The following AGBL4 variants were observed in gnomAD, a reference collection of about 807,000 sequenced individuals.
AGBL4 encodes AGBL carboxypeptidase 4.
In AGBL4, 58 loss-of-function variants were observed where a neutral mutation model predicts 66.4. The observed-to-expected ratio is 0.87, with a 90% CI of 0.71 to 1.09. The LOEUF (loss-of-function observed/expected upper bound fraction) is 1.09. Ranked by LOEUF, AGBL4 falls within the 50% of genes least tolerant of loss-of-function variation. The pLI is 0.00. For missense variants in AGBL4, 579 were observed against 631.0 expected (o/e 0.92, Z 0.88); for synonymous variants, 234 against 222.9 (o/e 1.05, Z -0.44).
chr1:49,691,854 A>G (rs1646893813), intron 3 of AGBL4, among the ~76,000 whole-genome samples: 1 of 152,146 alleles, frequency 6.6e-6, no homozygotes, highest in Admixed American at 6.6e-5. Flanking sequence ...CTTGCTGGAT[A>G]CTTCATGCCC....
intron 6 of AGBL4, among the ~76,000 whole-genome samples, chr1:48,835,582 G>A (rs1284199431): frequency 6.6e-6 from 1 of 152,136 alleles, no homozygotes; most frequent in Non-Finnish European, 1.5e-5. Context: ...GGTAGTACTA[G>A]AGTGAAGAAA....
intron 4 of AGBL4, among the ~76,000 whole-genome samples, chr1:49,098,916 TTCTGCTGTGTG>T (rs1275303417): frequency 6.6e-6 from 1 of 152,204 alleles, no homozygotes; most frequent in Non-Finnish European, 1.5e-5. Context: ...TCTATGGCCT[TTCTGCTGTGTG>T]TCTGTTTTGC....
chr1:49,410,660 T>C (rs1645296896), intron 3 of AGBL4, among the ~76,000 whole-genome samples: 1 of 152,162 alleles, frequency 6.6e-6, no homozygotes, highest in Non-Finnish European at 1.5e-5. Context: ...AGGTTCTAGC[T>C]CTCTTGATTT....
At chr1:48,921,197 T>C (rs1402456817) in intron 5 of AGBL4, among the ~76,000 whole-genome samples, 1 of 151,954 alleles carries the variant, frequency 6.6e-6, no homozygotes, top group Non-Finnish European at 1.5e-5. Context: ...CACAGAGAAG[T>C]AGACAAAAAT....
intron 11 of AGBL4, among the ~76,000 whole-genome samples, chr1:48,571,448 CT>C (rs1644561632): frequency 6.6e-6 from 1 of 152,216 alleles, no homozygotes; most frequent in African/African-American, 2.4e-5. Context: ...TCTAGCTAGA[CT>C]TCAGACAGCT....
intron 2 of AGBL4, among the ~76,000 whole-genome samples, chr1:49,724,820 A>G (rs1648892077): frequency 6.6e-6 from 1 of 152,134 alleles, no homozygotes; most frequent in South Asian, 2.1e-4. Context: ...CGTGGCAAGA[A>G]GAAGGTCAGG....
intron 3 of AGBL4, among the ~76,000 whole-genome samples, chr1:49,270,269 C>T (rs912688422): frequency 6.6e-6 from 1 of 152,120 alleles, no homozygotes; most frequent in African/African-American, 2.4e-5. Context: ...GAGATTCTCT[C>T]TCATCTTGTT....
At chr1:49,543,776 C>G (rs1652254216) in intron 3 of AGBL4, among the ~76,000 whole-genome samples, 1 of 152,126 alleles carries the variant, frequency 6.6e-6, no homozygotes, top group Non-Finnish European at 1.5e-5. Context: ...TTTGCTGGTG[C>G]CATAGTGTAG....
At chr1:48,688,789 T>C (rs926675206) in intron 6 of AGBL4, among the ~76,000 whole-genome samples, 2 of 151,674 alleles carry the variant, frequency 1.3e-5, no homozygotes, top group Admixed American at 6.6e-5. Context: ...AGGAAGAGCA[T>C]TGCAAAGCTC....
intron 6 of AGBL4, among the ~76,000 whole-genome samples, chr1:48,693,935 T>C (rs1048660362): frequency 6.6e-6 from 1 of 151,104 alleles, no homozygotes; most frequent in African/African-American, 2.4e-5. Context: ...GAGTCTGACT[T>C]ACCCTGACCT....
Position 49,881,114 on chromosome 1 carries a change from C to T in AGBL4, c.35-29596G>A, listed in dbSNP as rs561552305. On this transcript the variant is annotated intron_variant, in intron 1 of 13. Transcript: ENST00000371839. ...CTCAGATGGAAATGCAGAAATCACC[C>T]GTCTTCTGCGTCGCTCACGCTGGGA... Among the ~76,000 whole-genome samples, 326 of 152,218 alleles carry T rather than the reference C, an allele frequency of 2.1e-3. 2 individuals carry two copies. The highest frequency in any genetic ancestry group is 5.8e-3 in the Admixed American group (89 of 15,294).
chr1:49,577,993 T>A (rs1644469831), intron 3 of AGBL4, among the ~76,000 whole-genome samples: 1 of 152,174 alleles, frequency 6.6e-6, no homozygotes, highest in African/African-American at 2.4e-5. Context: ...AGTGATCCAC[T>A]AACAAAATGT....
intron 6 of AGBL4, among the ~76,000 whole-genome samples, chr1:48,674,686 T>A (rs1367848419): frequency 6.6e-6 from 1 of 152,094 alleles, no homozygotes; most frequent in Non-Finnish European, 1.5e-5. Flanking sequence ...ATAATAATAT[T>A]CATCTTATTG....
intron 5 of AGBL4, among the ~76,000 whole-genome samples, chr1:48,944,136 A>C (rs1011058154): frequency 2.4e-4 from 36 of 152,150 alleles, no homozygotes; most frequent in African/African-American, 8.2e-4. Context: ...AGAAATAGTC[A>C]AGGTAACAGC....
chr1:48,768,707 T>C (rs901184615), intron 6 of AGBL4, among the ~76,000 whole-genome samples: 1 of 152,254 alleles, frequency 6.6e-6, no homozygotes, highest in African/African-American at 2.4e-5. Flanking sequence ...TAATTTGGTA[T>C]GAGTTTGTTA....
At chr1:48,909,112 G>T (rs1173808446) in intron 5 of AGBL4, among the ~76,000 whole-genome samples, 1 of 152,136 alleles carries the variant, frequency 6.6e-6, no homozygotes, top group East Asian at 1.9e-4. Flanking sequence ...CTTACAAATT[G>T]TGTTAGGCTA....
At chr1:49,871,538 G>A (rs1646839430) in intron 1 of AGBL4, among the ~76,000 whole-genome samples, 1 of 151,998 alleles carries the variant, frequency 6.6e-6, no homozygotes, top group Admixed American at 6.6e-5. Flanking sequence ...CTAATTCTAT[G>A]TTGAGTCCTT....
rs372757411 is a variant in AGBL4, at chr1:49,570,038, A to G, written c.282+127275T>C. On this transcript the variant is annotated intron_variant, in intron 3 of 13. Coordinates refer to ENST00000371839, the MANE Select transcript of AGBL4 (RefSeq NM_032785.4). ...TTGTTATTATGAATAGTGCTGTGAT[A>G]AGCACACAAGTGCAGGTATCTTTTT... Among the ~76,000 whole-genome samples, 208 of 152,304 alleles carry G rather than the reference A, an allele frequency of 1.4e-3. 1 individual carries two copies. The highest frequency in any genetic ancestry group is 4.7e-3 in the African/African-American group (195 of 41,572).
intron 3 of AGBL4, among the ~76,000 whole-genome samples, chr1:49,403,140 T>C (rs1225485777): frequency 6.6e-6 from 1 of 152,226 alleles, no homozygotes; most frequent in African/African-American, 2.4e-5. Context: ...TAATAGTATT[T>C]GCTTTATATA....
Sources: gnomAD v4.1 joint callset for allele counts (sites outside exome capture counted in the v4.1 genomes callset) on GRCh38, gnomAD v4.1.1 for gene constraint, MANE v1.5 for transcripts, NCBI Gene and HGNC (gene_info 2026-07-23, HGNC 2026-07-21) for gene names.